CRACD: variants seen among roughly 807,000 people sequenced by gnomAD.
CRACD encodes capping protein inhibiting regulator of actin dynamics.
Under a neutral mutation model 106.8 loss-of-function variants are expected in CRACD, and 56 were observed. The observed-to-expected ratio is 0.52, with a 90% CI of 0.42 to 0.66. The LOEUF is 0.66. Among genes scored for constraint, CRACD ranks in the 30% least tolerant of loss-of-function variants. The probability of loss-of-function intolerance (pLI) is 0.00; values close to 1 mark genes in which losing one functional copy is unlikely to be tolerated. For synonymous variants in CRACD, 754 were observed against 670.8 expected, an observed-to-expected ratio of 1.12 and a Z score of -1.92; for missense variants, 1,730 against 1,623.2, an observed-to-expected ratio of 1.07 and a Z score of -1.13.
chr4:56,186,414 A>T (rs749609593), intron 2 of CRACD, among the ~76,000 whole-genome samples: 4 of 152,144 alleles, frequency 2.6e-5, no homozygotes, highest in Non-Finnish European at 5.9e-5. Context: ...ATACTGTACT[A>T]TATGCTAGGG....
At position 56,149,858 on chromosome 4, in the gene CRACD, T is replaced by G; in HGVS notation, c.-335-29426T>G. ...GTCATGTAAATTTCTTAACTTCGGT[T>G]TCAGCATGAGTGTTTTCCTAGTTCT... On this transcript the variant is annotated intron_variant, in intron 1 of 10. Coordinates refer to ENST00000682029, the MANE Select transcript of CRACD (RefSeq NM_001393381.1). Among the ~76,000 whole-genome samples the G allele has an allele frequency of 1.3e-5, 2 of 152,220 alleles. 1 individual carries two copies. The highest frequency in any genetic ancestry group is 2.9e-5 in the Non-Finnish European group (2 of 68,036).
chr4:56,130,405 ATAT>A (rs1310881144), intron 1 of CRACD, among the ~76,000 whole-genome samples: 1 of 152,180 alleles, frequency 6.6e-6, no homozygotes, highest in Non-Finnish European at 1.5e-5. Context: ...ATATTTTAAT[ATAT>A]TTATCTTCTG....
intron 2 of CRACD, among the ~76,000 whole-genome samples, chr4:56,260,219 CCA>C (rs1741611558): frequency 6.6e-6 from 1 of 152,156 alleles, no homozygotes; most frequent in East Asian, 1.9e-4. Context: ...CCTTTGTTAT[CCA>C]CTTATCATCT....
Position 56,314,242 on chromosome 4 carries a change from G to A in CRACD, c.740G>A (p.Arg247His), listed in dbSNP as rs945986222. 6.3e-7 allele frequency: 1 copy of A among 1,583,746 alleles called. No homozygotes were observed. Among genetic ancestry groups the A allele is most frequent in the African/African-American group, 1.3e-5 (1 of 74,556 alleles). ...AAGGCGGAAGCAGCCGAGAAGAGAC[G>A]CCTAGAGGAGCAGAGGCTGCAGGCG... ...RQKAEAAEKR[R>H]LEEQRLQALE... is the part of the protein sequence containing the mutation. Residue 247 changes from arginine to histidine, a missense_variant, in exon 8 of 11, where the codon CGC (arginine) becomes CAC (histidine). Physicochemically the swap from Arg to His is conservative, Grantham distance 29 (BLOSUM62 0). This residue lies in a region of CRACD where 1,620 missense variants were observed against 1,481.6 expected (regional missense o/e 1.09). Coordinates refer to ENST00000682029, the MANE Select transcript of CRACD (RefSeq NM_001393381.1). The surrounding 1 kb of genome is among the most constrained non-coding windows in gnomAD (Gnocchi z 4.4).
intron 1 of CRACD, among the ~76,000 whole-genome samples, chr4:56,115,792 T>C (rs1379825607): frequency 6.6e-6 from 1 of 152,202 alleles, no homozygotes; most frequent in African/African-American, 2.4e-5. Context: ...CAAAATTATT[T>C]CAGCCCTTGC....
intron 3 of CRACD, among the ~76,000 whole-genome samples, chr4:56,282,264 A>T (rs879402342): frequency 1.3e-5 from 2 of 152,174 alleles, no homozygotes; most frequent in Non-Finnish European, 2.9e-5. Flanking sequence ...CCCAATATCT[A>T]TGGTCCCAAA....
chr4:56,133,999 G>A (rs985266041), intron 1 of CRACD, among the ~76,000 whole-genome samples: 15 of 151,964 alleles, frequency 9.9e-5, no homozygotes, highest in African/African-American at 3.1e-4. Context: ...CCCGGAGTTC[G>A]AGACCAGCTT....
chr4:56,188,114 A>G lies in CRACD; in HGVS notation c.-189+8684A>G, dbSNP rs78114768. On this transcript the variant is annotated intron_variant, in intron 2 of 10. Coordinates refer to ENST00000682029, the MANE Select transcript of CRACD (RefSeq NM_001393381.1). ...GGGCACATATTTTAAGAAGCCTCAG[A>G]AAGTTCATTCCATGCAGAAAAACAT... Among the ~76,000 whole-genome samples, 17 of 152,364 alleles carry G rather than the reference A, an allele frequency of 1.1e-4. No individual in the cohort carries two copies. In the East Asian group the frequency reaches 3.1e-3, roughly 28 times the overall value.
chr4:56,060,179 G>A (rs570294611), intron 1 of CRACD, among the ~76,000 whole-genome samples: 2 of 152,154 alleles, frequency 1.3e-5, no homozygotes, highest in African/African-American at 2.4e-5. Flanking sequence ...GTTGGGAGTC[G>A]TACTGAACGT....
Position 56,143,160 on chromosome 4 carries a change from T to G in CRACD, c.-335-36124T>G, listed in dbSNP as rs561036503. On this transcript the variant is annotated intron_variant, in intron 1 of 10. Transcript: ENST00000682029. ...TTCCCCATGTAATCTCTGTTTTTTTTTGTTAGCTTTATTCTTGGGAATTTT... is the reference window on the plus strand; with the variant it reads ...TTCCCCATGTAATCTCTGTTTTTTTGTGTTAGCTTTATTCTTGGGAATTTT... Among the ~76,000 whole-genome samples the G allele has an allele frequency of 8.5e-5, 13 of 152,202 alleles. No homozygotes were observed. The East Asian group carries it at 2.5e-3, about 29-fold the overall frequency.
chr4:56,100,168 G>T (rs892445943), intron 1 of CRACD, among the ~76,000 whole-genome samples: 1 of 152,022 alleles, frequency 6.6e-6, no homozygotes, highest in Non-Finnish European at 1.5e-5. Flanking sequence ...GTTTGAACTC[G>T]GGAAGCGGAG....
At chr4:56,235,587 A>G (rs948375602) in intron 2 of CRACD, among the ~76,000 whole-genome samples, 4 of 152,196 alleles carry the variant, frequency 2.6e-5, no homozygotes, top group African/African-American at 7.2e-5. Flanking sequence ...AGTGGCAGCA[A>G]AGTACTAATT....
chr4:56,108,591 G>A (rs1053946770), intron 1 of CRACD, among the ~76,000 whole-genome samples: 10 of 152,068 alleles, frequency 6.6e-5, no homozygotes, highest in Non-Finnish European at 1.0e-4. Flanking sequence ...ACCAAGACGT[G>A]GAGACCGGTA....
intron 1 of CRACD, among the ~76,000 whole-genome samples, chr4:56,051,946 C>G (rs1376084109): frequency 6.6e-6 from 1 of 152,124 alleles, no homozygotes; most frequent in Non-Finnish European, 1.5e-5. Context: ...TTGTGAGGAT[C>G]AAATAAAATA....
intron 2 of CRACD, among the ~76,000 whole-genome samples, chr4:56,262,160 G>T (rs1741745798): frequency 6.6e-6 from 1 of 152,152 alleles, no homozygotes; most frequent in Admixed American, 6.5e-5. Flanking sequence ...ATTTGCCTGT[G>T]GACTTGGATG....
chr4:56,297,594 A>G (rs1744125265), intron 3 of CRACD, among the ~76,000 whole-genome samples: 1 of 152,140 alleles, frequency 6.6e-6, no homozygotes, highest in East Asian at 1.9e-4. Context: ...AATATAAATA[A>G]ATAAAAATAA....
intron 1 of CRACD, among the ~76,000 whole-genome samples, chr4:56,092,657 C>T (rs1733460221): frequency 6.6e-6 from 1 of 151,886 alleles, no homozygotes; most frequent in Non-Finnish European, 1.5e-5. Context: ...GGCTGGAGTG[C>T]AGTGTGTGAT....
At chr4:56,182,863 ATG>A (rs34291347) in intron 2 of CRACD, among the ~76,000 whole-genome samples, 34,520 of 144,490 alleles carry the variant, frequency 0.24, 4,598 homozygotes, top group Non-Finnish European at 0.31. Context: ...AAAAAAAGAT[ATG>A]TGTGTGTGTG....
chr4:56,317,195 G>A (rs926440378), intron 8 of CRACD, among the ~76,000 whole-genome samples: 8 of 152,140 alleles, frequency 5.3e-5, no homozygotes, highest in African/African-American at 1.4e-4. Flanking sequence ...TGGTCCTTGC[G>A]CTCCTTGTCT....
Sources: gnomAD v4.1 joint callset for allele counts (sites outside exome capture counted in the v4.1 genomes callset) on GRCh38, gnomAD v4.1.1 for gene constraint, gnomAD v4.1.1 regional missense constraint, Gnocchi (gnomAD v3.1) non-coding constraint, MANE v1.5 for transcripts, NCBI Gene and HGNC (gene_info 2026-07-23, HGNC 2026-07-21) for gene names.